Variants in PLA2G4A observed in about 807,000 individuals in gnomAD.
PLA2G4A encodes the protein phospholipase A2 group IVA.
In PLA2G4A, 40 loss-of-function variants were observed where a neutral mutation model predicts 81.9. The ratio of observed to expected loss-of-function variants is 0.49; its 90% CI spans 0.38 to 0.64. The LOEUF is 0.64. Among genes scored for constraint, PLA2G4A ranks in the 30% least tolerant of loss-of-function variants. PLA2G4A has a pLI of 0.00. For missense variants in PLA2G4A, 715 were observed against 905.1 expected (o/e 0.79, Z 2.69); for synonymous variants, 302 against 296.9 (o/e 1.02, Z -0.18).
At chr1:186,891,744 A>G (rs908647502) in intron 3 of PLA2G4A, among the ~76,000 whole-genome samples, 4 of 152,232 alleles carry the variant, frequency 2.6e-5, no homozygotes, top group Admixed American at 2.6e-4. Context: ...TATTGTAAAT[A>G]GTGCTGCAAT....
rs750582724 is a variant in PLA2G4A at position 186,944,153 on chromosome 1, T to C, written c.1034-2484T>C. Reference sequence around the variant, plus strand: ...CCCGGGAAGAAGGGTGATGAGTTCTTATCTAGGTAAGTATAGTGGGAGGAG... The same window carrying C: ...CCCGGGAAGAAGGGTGATGAGTTCTCATCTAGGTAAGTATAGTGGGAGGAG... On this transcript the variant is annotated intron_variant, in intron 10 of 17. Transcript: ENST00000367466. Among the ~76,000 whole-genome samples, 50 of 152,230 alleles carry C rather than the reference T, an allele frequency of 3.3e-4. No homozygotes were observed. The Middle Eastern group carries it at 0.01, about 31-fold the overall frequency.
At chr1:186,897,320 G>GGACCCTCGTTTT (rs2102123029) in intron 5 of PLA2G4A, among the ~76,000 whole-genome samples, 1 of 152,086 alleles carries the variant, frequency 6.6e-6, no homozygotes, top group East Asian at 1.9e-4. Context: ...TTGAGAGAAT[G>GGACCCTCGTTTT]GACCCTCGTT....
Position 186,870,522 on chromosome 1 carries a change from T to C in PLA2G4A, c.115+6T>C, listed in dbSNP as rs1256625184. Reference sequence around the variant, plus strand: ...GGGGGCCTTTGGTGACATGCGTAAGTGCCCTTTTTTTCTTTGCTGTTAAAC... The same window carrying C: ...GGGGGCCTTTGGTGACATGCGTAAGCGCCCTTTTTTTCTTTGCTGTTAAAC... On this transcript the variant is annotated splice_donor_region_variant and intron_variant, in intron 3 of 17. Transcript: ENST00000367466. 1 of 1,573,846 alleles carries C rather than the reference T, an allele frequency of 6.4e-7. No individual in the cohort carries two copies. Among genetic ancestry groups the C allele is most frequent in the Non-Finnish European group, 8.7e-7 (1 of 1,145,612 alleles).
chr1:186,953,958 T>C (rs6425061), intron 13 of PLA2G4A, among the ~76,000 whole-genome samples: 145,902 of 152,314 alleles, frequency 0.96, 69,929 homozygotes, highest in East Asian at 1. Flanking sequence ...GTAAAAGACA[T>C]ATTTTGTCCT....
chr1:186,959,927 A>G (rs1481555343), intron 14 of PLA2G4A, among the ~76,000 whole-genome samples: 1 of 152,142 alleles, frequency 6.6e-6, no homozygotes, highest in East Asian at 1.9e-4. Context: ...TCTAATCTAG[A>G]TATTAGGTTG....
chr1:186,953,194 G>A (rs929277548), intron 13 of PLA2G4A, among the ~76,000 whole-genome samples: 3 of 152,212 alleles, frequency 2.0e-5, no homozygotes, highest in African/African-American at 7.2e-5. Flanking sequence ...AGCCATGAAT[G>A]AGAGTTCTTG....
intron 7 of PLA2G4A, among the ~76,000 whole-genome samples, chr1:186,914,546 C>T (rs934058160): frequency 1.3e-4 from 20 of 152,116 alleles, no homozygotes; most frequent in Non-Finnish European, 7.4e-5. Flanking sequence ...TTGAGAGGGT[C>T]GTGATCATTT....
chr1:186,846,652 C>T (rs370891956), intron 1 of PLA2G4A, among the ~76,000 whole-genome samples: 1 of 152,078 alleles, frequency 6.6e-6, no homozygotes, highest in East Asian at 1.9e-4. Context: ...TCCGGTGTGA[C>T]AACCTCTACT....
At chr1:186,836,692 T>C (rs949751306) in intron 1 of PLA2G4A, among the ~76,000 whole-genome samples, 2 of 152,222 alleles carry the variant, frequency 1.3e-5, no homozygotes, top group African/African-American at 4.8e-5. Context: ...TATGCATTTA[T>C]TCCTTCGCTA....
intron 3 of PLA2G4A, among the ~76,000 whole-genome samples, chr1:186,889,146 C>T (rs1241201442): frequency 6.6e-6 from 1 of 152,254 alleles, no homozygotes; most frequent in East Asian, 1.9e-4. Context: ...GCCCATTTCA[C>T]CTTATCATCC....
chr1:186,902,879 CAAA>C (rs72003812), intron 5 of PLA2G4A, among the ~76,000 whole-genome samples: 1 of 99,448 alleles, frequency 1.0e-5, no homozygotes, highest in Admixed American at 1.1e-4. Flanking sequence ...CTTTATTGCT[CAAA>C]AAAAAAAAAA....
At chr1:186,886,403 C>T (rs577663336) in intron 3 of PLA2G4A, among the ~76,000 whole-genome samples, 1 of 152,256 alleles carries the variant, frequency 6.6e-6, no homozygotes, top group African/African-American at 2.4e-5. Flanking sequence ...ATCCTAACTC[C>T]TACCTCATAC....
chr1:186,950,582 T>A, intron 12 of PLA2G4A, 75 bp from the exon 13 acceptor site: 1 of 792,560 alleles, frequency 1.3e-6, no homozygotes, highest in Non-Finnish European at 2.2e-6. Flanking sequence ...TTTGCTCAGA[T>A]TACTTTTTTA....
chr1:186,891,665 G>A (rs1571372400), intron 3 of PLA2G4A, among the ~76,000 whole-genome samples: 1 of 152,282 alleles, frequency 6.6e-6, no homozygotes, highest in East Asian at 1.9e-4. Flanking sequence ...ACTCCATTGT[G>A]TATATGTAAC....
rs144937554 is a variant in PLA2G4A at position 186,979,462 on chromosome 1, A to G, written c.2108A>G (p.Asn703Ser). Residue 703 changes from asparagine (N) to serine (S), a missense_variant, in exon 17 of 18, where the codon AAC becomes AGC. Asn to Ser is a conservative substitution (Grantham distance 46, BLOSUM62 1). Coordinates refer to ENST00000367466, the MANE Select transcript of PLA2G4A (RefSeq NM_024420.3). ...GATCTTATGCACTTCAATACTCTGA[A>G]CAACATTGATGTAAGTATCTCCTAT... Reference protein sequence around the residue: ...LHDLMHFNTLNNIDVIKEAMV... With the variant: ...LHDLMHFNTLSNIDVIKEAMV... 2 of 1,593,618 alleles carry G rather than the reference A, an allele frequency of 1.3e-6. No homozygotes were observed. The highest frequency in any genetic ancestry group is 1.7e-6 in the Non-Finnish European group (2 of 1,161,392).
chr1:186,884,892 CAA>C (rs59150767), intron 3 of PLA2G4A, among the ~76,000 whole-genome samples: 2,910 of 133,658 alleles, frequency 0.022, 28 homozygotes, highest in African/African-American at 0.026. Context: ...ATCCTGTCTT[CAA>C]AAAAAAAAAA....
At chr1:186,915,130 C>T (rs1028548788) in intron 7 of PLA2G4A, among the ~76,000 whole-genome samples, 1 of 152,142 alleles carries the variant, frequency 6.6e-6, no homozygotes, top group African/African-American at 2.4e-5. Flanking sequence ...ATCCATGCCA[C>T]ACTTGCACGG....
intron 1 of PLA2G4A, among the ~76,000 whole-genome samples, chr1:186,847,330 T>G (rs1652212392): frequency 6.6e-6 from 1 of 150,634 alleles, no homozygotes; most frequent in Admixed American, 6.7e-5. Flanking sequence ...CCATTCCATC[T>G]CCTTTCTTTT....
intron 17 of PLA2G4A, among the ~76,000 whole-genome samples, chr1:186,986,970 G>A (rs1442799816): frequency 6.6e-6 from 1 of 152,174 alleles, no homozygotes; most frequent in African/African-American, 2.4e-5. Flanking sequence ...TCACGTTTGA[G>A]CCCATTTCCC....
Sources: gnomAD v4.1 joint callset for allele counts (sites outside exome capture counted in the v4.1 genomes callset) on GRCh38, gnomAD v4.1.1 for gene constraint, MANE v1.5 for transcripts, NCBI Gene and HGNC (gene_info 2026-07-23, HGNC 2026-07-21) for gene names.